The following SAMTOR variants were observed in gnomAD, a reference collection of about 807,000 sequenced individuals.
SAMTOR encodes S-adenosylmethionine sensor upstream of mTORC1.
At chr7:112,915,918 TTG>T in the SAMTOR span, among the ~76,000 whole-genome samples, 7 of 152,212 alleles carry the variant, frequency 4.6e-5, no homozygotes, top group South Asian at 4.1e-4. Context: ...TGTTATTTTC[TTG>T]TGTCTCTATT....
At chr7:112,899,243 ATAATT>A in the SAMTOR span, among the ~76,000 whole-genome samples, 1 of 152,172 alleles carries the variant, frequency 6.6e-6, no homozygotes, top group East Asian at 1.9e-4. Flanking sequence ...AGAGATTAAA[ATAATT>A]TAAAGAATCC....
At chr7:112,915,714 A>G in the SAMTOR span, among the ~76,000 whole-genome samples, 1 of 152,230 alleles carries the variant, frequency 6.6e-6, no homozygotes, top group South Asian at 2.1e-4. Flanking sequence ...TAAATGAATG[A>G]TAACAGATTT....
the SAMTOR span, chr7:112,832,712 T>C: frequency 7.8e-7 from 1 of 1,281,798 alleles, no homozygotes; most frequent in Non-Finnish European, 1.1e-6. Flanking sequence ...AAATCAAATA[T>C]GAGAATGTAA....
chr7:112,916,706 G>A, the SAMTOR span, among the ~76,000 whole-genome samples: 1,480 of 152,216 alleles, frequency 9.7e-3, 82 homozygotes, highest in East Asian at 0.13. Flanking sequence ...AAGGGGTGAC[G>A]GATGGCACCT....
chr7:112,899,060 C>G, the SAMTOR span, among the ~76,000 whole-genome samples: 1 of 152,132 alleles, frequency 6.6e-6, no homozygotes, highest in South Asian at 2.1e-4. Context: ...GCATCAAGAA[C>G]AGTCAGGAAA....
the SAMTOR span, among the ~76,000 whole-genome samples, chr7:112,920,738 C>G: frequency 6.7e-6 from 1 of 149,232 alleles, no homozygotes; most frequent in Non-Finnish European, 1.5e-5. Flanking sequence ...AGCTGATAAG[C>G]AACTTCCGCA....
the SAMTOR span, among the ~76,000 whole-genome samples, chr7:112,890,642 A>G: frequency 1.3e-4 from 19 of 150,940 alleles, no homozygotes; most frequent in Non-Finnish European, 8.8e-5. Context: ...TACAAAATAT[A>G]TATATATTAT....
At chr7:112,844,294 G>T in the SAMTOR span, among the ~76,000 whole-genome samples, 1 of 152,020 alleles carries the variant, frequency 6.6e-6, no homozygotes, top group Non-Finnish European at 1.5e-5. Context: ...ATAAGAGAAA[G>T]AAATAAAGGG....
the SAMTOR span, among the ~76,000 whole-genome samples, chr7:112,881,472 C>T: frequency 1.3e-5 from 2 of 152,198 alleles, no homozygotes; most frequent in Non-Finnish European, 2.9e-5. Flanking sequence ...CACTTCCTCC[C>T]TTCTGAGTCC....
At chr7:112,844,692 A>G in the SAMTOR span, among the ~76,000 whole-genome samples, 2 of 152,206 alleles carry the variant, frequency 1.3e-5, no homozygotes, top group Admixed American at 6.6e-5. Context: ...TACAGAGTCA[A>G]TGCTATACCT....
the SAMTOR span, among the ~76,000 whole-genome samples, chr7:112,848,734 C>G: frequency 1.3e-5 from 2 of 152,186 alleles, no homozygotes; most frequent in Non-Finnish European, 2.9e-5. Context: ...CTCTCTGAAT[C>G]TCATTATAAA....
At chr7:112,896,761 A>G in the SAMTOR span, among the ~76,000 whole-genome samples, 3 of 152,210 alleles carry the variant, frequency 2.0e-5, no homozygotes, top group Non-Finnish European at 4.4e-5. Flanking sequence ...ATAAACAGAT[A>G]AACAAAGATA....
chr7:112,907,394 C>T, the SAMTOR span, among the ~76,000 whole-genome samples: 149,140 of 152,258 alleles, frequency 0.98, 73,100 homozygotes, highest in East Asian at 1. Context: ...GAAGAAAACA[C>T]GAGTGAATAA....
At chr7:112,824,543 T>G in the SAMTOR span, among the ~76,000 whole-genome samples, 1 of 151,868 alleles carries the variant, frequency 6.6e-6, no homozygotes, top group Non-Finnish European at 1.5e-5. Flanking sequence ...TTGTATTTTT[T>G]GTAGAGACAG....
chr7:112,839,858 C>T, the SAMTOR span, among the ~76,000 whole-genome samples: 1 of 151,808 alleles, frequency 6.6e-6, no homozygotes. Flanking sequence ...TACTAAATCA[C>T]ACCTTTTATC....
At chr7:112,827,292 G>T in the SAMTOR span, among the ~76,000 whole-genome samples, 1 of 152,100 alleles carries the variant, frequency 6.6e-6, no homozygotes, top group South Asian at 2.1e-4. Context: ...TGATTGATGT[G>T]ATTAGGTTTT....
chr7:112,839,237 C>T, the SAMTOR span, among the ~76,000 whole-genome samples: 1 of 151,736 alleles, frequency 6.6e-6, no homozygotes, highest in African/African-American at 2.4e-5. Context: ...TGAACTTTAA[C>T]ACAATGATTT....
the SAMTOR span, among the ~76,000 whole-genome samples, chr7:112,866,056 T>G: frequency 6.6e-6 from 1 of 151,936 alleles, no homozygotes; most frequent in African/African-American, 2.4e-5. Context: ...TACTAACTAT[T>G]TACATGCCAG....
At chr7:112,899,178 T>C in the SAMTOR span, among the ~76,000 whole-genome samples, 1 of 152,038 alleles carries the variant, frequency 6.6e-6, no homozygotes, top group Non-Finnish European at 1.5e-5. Flanking sequence ...GGAATCTCAA[T>C]GAACTTCAAA....
Sources: allele counts gnomAD v4.1 joint callset (sites outside exome capture counted in the v4.1 genomes callset), GRCh38; gene constraint gnomAD v4.1.1; transcripts MANE v1.5; gene names NCBI Gene and HGNC (gene_info 2026-07-23, HGNC 2026-07-21).